NKD2: variants seen among roughly 807,000 people sequenced by gnomAD.
The protein encoded by NKD2 is protein naked cuticle homolog 2.
Under a neutral mutation model 34.8 loss-of-function variants are expected in NKD2, and 43 were observed. The observed-to-expected ratio is 1.24, with a 90% confidence interval of 0.97 to 1.60. NKD2 has a LOEUF of 1.60. Among genes scored for constraint, NKD2 ranks in the 40% most tolerant of loss-of-function variants. The pLI is 0.00. For missense variants in NKD2, 675 were observed against 627.1 expected (o/e 1.08, Z -0.82); for synonymous variants, 278 against 265.1 (o/e 1.05, Z -0.47).
chr5:1,038,052 C>G lies in NKD2; in HGVS notation c.1035C>G (p.Ala345=). The G allele has an allele frequency of 6.2e-7, 1 of 1,609,626 alleles. No homozygotes were observed. The highest frequency in any genetic ancestry group is 8.5e-7 in the Non-Finnish European group (1 of 1,179,280). Residue 345 remains alanine, a synonymous_variant, in exon 10 of 10, where the codon GCC becomes GCG. Transcript: ENST00000296849. This position sits in a 1 kb window ranked among gnomAD's most constrained non-coding sequence, Gnocchi z 4.5. ...CCGGGAAGCCGCCTGGGGTGCCAGC[C>G]AGCAGCAAGTCCGGGAAAGCCTTCA... The part of the protein sequence containing the change: ...KGSGKPPGVP[A]SSKSGKAFSY...
At chr5:1,010,772 T>A (rs1024958334) in intron 3 of NKD2, among the ~76,000 whole-genome samples, 1 of 152,210 alleles carries the variant, frequency 6.6e-6, no homozygotes, top group Non-Finnish European at 1.5e-5. Flanking sequence ...CAGGTGCTCC[T>A]GGTATGATTA....
chr5:1,038,098 C>T lies in NKD2; in HGVS notation c.1081C>T (p.Leu361=). 6.2e-7 allele frequency: 1 copy of T among 1,604,088 alleles called. No individual in the cohort carries two copies. The highest frequency in any genetic ancestry group is 1.1e-5 in the South Asian group (1 of 90,284). The change falls in exon 10 of 10, where the codon CTG becomes TTG. Residue 361 remains leucine, a synonymous_variant. Transcript: ENST00000296849. This position sits in a 1 kb window ranked among gnomAD's most constrained non-coding sequence, Gnocchi z 4.5. ...KAFSYYLPAV[L]PPQAPQDGHH... ...CTTCAGCTACTACCTGCCGGCCGTC[C>T]TGCCGCCCCAGGCCCCTCAGGACGG...
At chr5:1,030,019 G>GGT (rs1016165891) in intron 3 of NKD2, among the ~76,000 whole-genome samples, 1 of 150,598 alleles carries the variant, frequency 6.6e-6, no homozygotes, top group African/African-American at 2.5e-5. Context: ...GTGGTGCGGG[G>GGT]GGGGGGGTAC....
chr5:1,010,520 C>G (rs1007397824), intron 3 of NKD2, among the ~76,000 whole-genome samples: 2 of 152,162 alleles, frequency 1.3e-5, no homozygotes, highest in African/African-American at 4.8e-5. Flanking sequence ...CTTAGGTCTG[C>G]TTGGAAATTA....
intron 3 of NKD2, among the ~76,000 whole-genome samples, chr5:1,016,244 T>C (rs1040636060): frequency 2.0e-4 from 30 of 152,242 alleles, no homozygotes; most frequent in African/African-American, 6.0e-4. Flanking sequence ...CCCGATCCGC[T>C]CTCACGGCGA....
At chr5:1,032,929 C>T (rs956938146) in intron 4 of NKD2, among the ~76,000 whole-genome samples, 10 of 152,210 alleles carry the variant, frequency 6.6e-5, no homozygotes, top group African/African-American at 1.9e-4. Context: ...CCAGAGGCTG[C>T]GGGGAGGGGG....
chr5:1,035,290 A>ATGAT (rs1733834439), intron 7 of NKD2, 99 bp from the exon 8 acceptor site: 1 of 961,612 alleles, frequency 1.0e-6, no homozygotes, highest in South Asian at 1.5e-5. Context: ...GAGTTAATGA[A>ATGAT]TGAATGAATG....
intron 9 of NKD2, chr5:1,036,680 T>G: frequency 5.2e-6 from 3 of 572,858 alleles, no homozygotes; most frequent in Non-Finnish European, 9.9e-6. Context: ...TGGAAGACAT[T>G]GGGTTTGCAT....
chr5:1,018,317 C>G (rs747877709), intron 3 of NKD2, among the ~76,000 whole-genome samples: 60 of 152,202 alleles, frequency 3.9e-4, no homozygotes, highest in Middle Eastern at 3.2e-3. Context: ...CCCTGCAAGC[C>G]ATGTTCCTCG....
intron 3 of NKD2, among the ~76,000 whole-genome samples, chr5:1,010,929 C>T (rs2150723401): frequency 6.6e-6 from 1 of 152,376 alleles, no homozygotes; most frequent in African/African-American, 2.4e-5. Context: ...TGAGCCAGCG[C>T]CCTCACCATG....
chr5:1,009,418 C>G lies in NKD2; in HGVS notation c.62-63C>G. 1.5e-6 allele frequency: 2 copies of G among 1,376,910 alleles called. No homozygotes were observed. The highest frequency in any genetic ancestry group is 3.0e-5 in the East Asian group (1 of 33,894). The allele number at this position is 1,376,910 out of a possible 1,614,324, so 85.3% of individuals were successfully genotyped here. A position where few individuals can be genotyped will look rare whatever the true frequency, so the allele number is the denominator to read the frequency against. ...CAGCGAAGGCGCAGCGCCCGCGGGG[C>G]TCACGGCGCGTCTCTTTCCCTCCTC... On this transcript the variant is annotated intron_variant, in intron 2 of 9. Transcript: ENST00000296849. This position sits in a 1 kb window ranked among gnomAD's most constrained non-coding sequence, Gnocchi z 6.9.
chr5:1,009,526 C>A lies in NKD2; in HGVS notation c.107C>A (p.Ala36Glu), dbSNP rs1461011395. ...GCGTACGCGAGCGGCCGCAAAGGCG[C>A]GGAGGAAGCGGAGCGGCGCGCGCGG... ...ASAYASGRKG[A>E]EEAERRARDK... Residue 36 changes from alanine to glutamate, a missense_variant, in exon 3 of 10, where the codon GCG becomes GAG. Physicochemically the swap from Ala to Glu is moderately radical, Grantham distance 107. Coordinates refer to ENST00000296849, the MANE Select transcript of NKD2 (RefSeq NM_033120.4). This position sits in a 1 kb window ranked among gnomAD's most constrained non-coding sequence, Gnocchi z 6.9. 4 of 1,494,226 alleles carry A rather than the reference C, an allele frequency of 2.7e-6. No homozygotes were observed. The highest frequency in any genetic ancestry group is 8.8e-7 in the Non-Finnish European group (1 of 1,130,814). The allele number at this position is 1,494,226 out of a possible 1,614,324, so 92.6% of individuals were successfully genotyped here.
chr5:1,031,850 G>A (rs370014961), intron 3 of NKD2, among the ~76,000 whole-genome samples: 1 of 152,104 alleles, frequency 6.6e-6, no homozygotes, highest in Non-Finnish European at 1.5e-5. Context: ...CCAGCATGGG[G>A]GCCCTGGCCA....
At chr5:1,033,161 G>A (rs564624284) in intron 4 of NKD2, among the ~76,000 whole-genome samples, 5 of 152,322 alleles carry the variant, frequency 3.3e-5, no homozygotes, top group South Asian at 4.1e-4. Context: ...GGGGGCCACC[G>A]TGGGCTGGTG....
At chr5:1,022,030 G>A (rs959486322) in intron 3 of NKD2, among the ~76,000 whole-genome samples, 1 of 151,966 alleles carries the variant, frequency 6.6e-6, no homozygotes, top group African/African-American at 2.4e-5. Context: ...GTCTCATAAG[G>A]TGCCCTCCCA....
chr5:1,031,617 C>G (rs148217343), intron 3 of NKD2, among the ~76,000 whole-genome samples: 5 of 152,346 alleles, frequency 3.3e-5, no homozygotes, highest in Non-Finnish European at 7.3e-5. Flanking sequence ...TTCATGAGAA[C>G]CATGTGAGCT....
chr5:1,038,777 G>A lies in NKD2; in HGVS notation c.*404G>A, dbSNP rs940646459. 23 of 413,990 alleles carry A rather than the reference G, an allele frequency of 5.6e-5. No individual in the cohort carries two copies. The highest frequency in any genetic ancestry group is 9.8e-5 in the East Asian group (2 of 20,414). 25.6% of individuals were successfully genotyped at this position (413,990 alleles called of 1,614,324 possible). On this transcript the variant is annotated 3_prime_UTR_variant, in exon 10 of 10. Coordinates refer to ENST00000296849, the MANE Select transcript of NKD2 (RefSeq NM_033120.4). This position sits in a 1 kb window ranked among gnomAD's most constrained non-coding sequence, Gnocchi z 4.5. ...TGACTGCTGTAGGCTGTCCCAGTGC[G>A]AGGCCGGGAGCGAATGGAAAAGCTG...
At chr5:1,013,707 G>A (rs891983862) in intron 3 of NKD2, among the ~76,000 whole-genome samples, 2 of 150,748 alleles carry the variant, frequency 1.3e-5, no homozygotes, top group African/African-American at 2.5e-5. Flanking sequence ...CTGGGAGAGC[G>A]TGCTGACTGG....
In NKD2 at chr5:1,038,568, G is replaced by A. The variant is rs547757661; in HGVS notation, c.*195G>A. On this transcript the variant is annotated 3_prime_UTR_variant, in exon 10 of 10. Transcript: ENST00000296849. This position sits in a 1 kb window ranked among gnomAD's most constrained non-coding sequence, Gnocchi z 4.5. Reference sequence around the variant, plus strand: ...TTGGACACGTGGACAAGGCCCAGGCGCCCTCTGCTCTTCTGCCCTCGATGC... The same window carrying A: ...TTGGACACGTGGACAAGGCCCAGGCACCCTCTGCTCTTCTGCCCTCGATGC... 4.4e-5 allele frequency: 50 copies of A among 1,144,666 alleles called. No homozygotes were observed. In the Admixed American group the frequency reaches 4.4e-4, roughly 10 times the overall value. 70.9% of individuals were successfully genotyped at this position (1,144,666 alleles called of 1,614,324 possible). A position where few individuals can be genotyped will look rare whatever the true frequency, so the allele number is the denominator to read the frequency against.
Sources: gnomAD v4.1 joint callset for allele counts (sites outside exome capture counted in the v4.1 genomes callset) on GRCh38, gnomAD v4.1.1 for gene constraint, Gnocchi (gnomAD v3.1) non-coding constraint, MANE v1.5 for transcripts, NCBI Gene and HGNC (gene_info 2026-07-23, HGNC 2026-07-21) for gene names.